The following MSI2 variants were observed in gnomAD, a reference collection of about 807,000 sequenced individuals.
The protein encoded by MSI2 is RNA-binding protein Musashi homolog 2.
Under a neutral mutation model 45.6 loss-of-function variants are expected in MSI2, and 17 were observed. The ratio of observed to expected loss-of-function variants is 0.37; its 90% confidence interval spans 0.26 to 0.56. The LOEUF (loss-of-function observed/expected upper bound fraction) is 0.56, where lower values mean the gene tolerates loss of function less well. MSI2 is among the 20% of genes least tolerant of loss of function. MSI2 has a pLI of 0.77. For missense variants in MSI2, 293 were observed against 444.2 expected, an observed-to-expected ratio of 0.66 and a Z score of 3.06; for synonymous variants, 156 against 158.2, an observed-to-expected ratio of 0.99 and a Z score of 0.11.
intron 10 of MSI2, among the ~76,000 whole-genome samples, chr17:57,639,232 G>A (rs546495401): frequency 3.3e-5 from 5 of 152,268 alleles, no homozygotes; most frequent in Admixed American, 1.3e-4. Flanking sequence ...GGCAACATCC[G>A]AGCCGAGTTT....
Position 57,529,531 on chromosome 17 carries a change from C to CT in MSI2, c.406-139dup, listed in dbSNP as rs1391217656. ...AGACCACTGTTTTTTTTTCTTTCTA[C>CT]TTTTTTGCATTTTCAAATATTTTTT... On this transcript the variant is annotated intron_variant, in intron 6 of 13. Transcript: ENST00000284073. This position sits in a 1 kb window ranked among gnomAD's most constrained non-coding sequence, Gnocchi z 5.3. The CT allele has an allele frequency of 8.3e-4, 582 of 698,576 alleles. 2 individuals are homozygous for CT. In the East Asian group the frequency reaches 0.01, roughly 12 times the overall value. 43.3% of individuals were successfully genotyped at this position (698,576 alleles called of 1,614,324 possible).
chr17:57,498,245 A>G (rs969992561), intron 6 of MSI2, among the ~76,000 whole-genome samples: 1 of 152,240 alleles, frequency 6.6e-6, no homozygotes, highest in African/African-American at 2.4e-5. Flanking sequence ...TCAAAGGGGA[A>G]AAAAATCTCA....
At chr17:57,493,596 G>A (rs933534) in intron 6 of MSI2, among the ~76,000 whole-genome samples, 135,504 of 149,638 alleles carry the variant, frequency 0.91, 61,449 homozygotes, top group African/African-American at 0.96. Flanking sequence ...TTGCCCTCTG[G>A]GTCCCTCCAA....
intron 11 of MSI2, among the ~76,000 whole-genome samples, chr17:57,673,752 A>T (rs1194280430): frequency 6.6e-6 from 1 of 151,960 alleles, no homozygotes; most frequent in African/African-American, 2.4e-5. Context: ...CTGCCCCCCG[A>T]TCTGCAACCC....
At chr17:57,460,095 C>T (rs2085195207) in intron 6 of MSI2, among the ~76,000 whole-genome samples, 1 of 151,308 alleles carries the variant, frequency 6.6e-6, no homozygotes, top group South Asian at 2.1e-4. Flanking sequence ...TGCCACTGCA[C>T]TCCAGCCTGG....
At position 57,644,440 on chromosome 17, in the gene MSI2, T is replaced by A. The variant is rs554284774; in HGVS notation, c.728-7659T>A. ...GCCACTGTCTTTCTCTGCACAGAAG[T>A]CAGGGCTGTGGATTTCCTTGAAAAG... On this transcript the variant is annotated intron_variant, in intron 10 of 13. Coordinates refer to ENST00000284073, the MANE Select transcript of MSI2 (RefSeq NM_138962.4). Among the ~76,000 whole-genome samples the A allele has an allele frequency of 4.6e-5, 7 of 152,188 alleles. No homozygotes were observed. The East Asian group carries it at 1.4e-3, about 30-fold the overall frequency.
chr17:57,535,874 G>A (rs1454875062), intron 7 of MSI2, among the ~76,000 whole-genome samples: 4 of 152,184 alleles, frequency 2.6e-5, no homozygotes, highest in Admixed American at 1.3e-4. Flanking sequence ...TTGCGTAATC[G>A]GTTTATTTAT....
In MSI2 at chr17:57,486,581, A is replaced by G. The variant is rs115111571; in HGVS notation, c.406-43095A>G. 4.2e-3 allele frequency among the ~76,000 whole-genome samples: 634 copies of G among 152,288 alleles called. 10 individuals are homozygous for G. Among genetic ancestry groups the G allele is most frequent in the African/African-American group, 0.014 (583 of 41,556 alleles). On this transcript the variant is annotated intron_variant, in intron 6 of 13. Coordinates refer to ENST00000284073, the MANE Select transcript of MSI2 (RefSeq NM_138962.4). Reference sequence around the variant, plus strand: ...TTATATTACCCACTTTGTCAAACTCATCTTCCTTGTATGTGTTTGGAAAGC... The same window carrying G: ...TTATATTACCCACTTTGTCAAACTCGTCTTCCTTGTATGTGTTTGGAAAGC...
chr17:57,653,026 C>T (rs559872185), intron 11 of MSI2, among the ~76,000 whole-genome samples: 25 of 152,180 alleles, frequency 1.6e-4, no homozygotes, highest in African/African-American at 5.5e-4. Flanking sequence ...TGTCCCCCCA[C>T]GCCCCACGGA....
intron 5 of MSI2, among the ~76,000 whole-genome samples, chr17:57,305,458 G>A (rs1353249523): frequency 6.6e-6 from 1 of 152,156 alleles, no homozygotes; most frequent in East Asian, 1.9e-4. Context: ...TAATCTTCTG[G>A]GAAAAAGAAT....
At chr17:57,519,490 C>T (rs1357030764) in intron 6 of MSI2, among the ~76,000 whole-genome samples, 1 of 152,284 alleles carries the variant, frequency 6.6e-6, no homozygotes, top group Middle Eastern at 3.4e-3. Context: ...GCAGTTCCAG[C>T]TCTGCTAGAG....
chr17:57,381,842 G>A (rs1237951371), intron 5 of MSI2, among the ~76,000 whole-genome samples: 1 of 152,204 alleles, frequency 6.6e-6, no homozygotes, highest in African/African-American at 2.4e-5. Flanking sequence ...AAATCACTTA[G>A]GTGTAGAGTC....
At chr17:57,574,876 G>A (rs935858273) in intron 7 of MSI2, among the ~76,000 whole-genome samples, 9 of 147,840 alleles carry the variant, frequency 6.1e-5, no homozygotes, top group Admixed American at 6.8e-5. Context: ...TGTCGCCCAG[G>A]CTGGAGTGCA....
the MSI2 span, among the ~76,000 whole-genome samples, chr17:57,700,625 G>A: frequency 7.9e-5 from 12 of 152,260 alleles, no homozygotes; most frequent in South Asian, 1.2e-3. Context: ...AGCCTGGGCC[G>A]GGCGCGGTTG....
chr17:57,419,349 C>A (rs184750961), intron 6 of MSI2, among the ~76,000 whole-genome samples: 1 of 142,334 alleles, frequency 7.0e-6, no homozygotes, highest in East Asian at 2.1e-4. Context: ...TGGGCTTTAA[C>A]GCAATTATTA....
At chr17:57,420,564 C>T (rs979803760) in intron 6 of MSI2, among the ~76,000 whole-genome samples, 1 of 152,232 alleles carries the variant, frequency 6.6e-6, no homozygotes, top group Non-Finnish European at 1.5e-5. Context: ...GAGCTCCGTA[C>T]TTTCCCAGCC....
rs534047554 is a variant in MSI2 at position 57,660,648 on chromosome 17, T to A, written c.790+8487T>A. On this transcript the variant is annotated intron_variant, in intron 11 of 13. Transcript: ENST00000284073. The stretch of plus-strand genomic sequence containing the variant: ...TAGCACAGAGGAGGAAGTGATCAGC[T>A]TTGTCTGGGAAGTCAGGGAATGTTT... Among the ~76,000 whole-genome samples the A allele has an allele frequency of 4.6e-5, 7 of 152,318 alleles. No homozygotes were observed. The South Asian group carries it at 8.3e-4, about 18-fold the overall frequency.
At position 57,285,870 on chromosome 17, in the gene MSI2, G is replaced by A. The variant is rs75324324; in HGVS notation, c.312+23678G>A. ...TTCTGTTGTGTAGTTCTGATTTTCC[G>A]AACAGGTGTTTAGATGATGAGGGGT... is the stretch of plus-strand genomic sequence containing the variant. On this transcript the variant is annotated intron_variant, in intron 5 of 13. Coordinates refer to ENST00000284073, the MANE Select transcript of MSI2 (RefSeq NM_138962.4). 11 of 1,518,296 alleles carry A rather than the reference G, an allele frequency of 7.2e-6. 1 individual carries two copies. Among genetic ancestry groups the A allele is most frequent in the African/African-American group, 4.1e-5 (3 of 72,434 alleles). 94.1% of individuals were successfully genotyped at this position (1,518,296 alleles called of 1,614,324 possible).
chr17:57,458,512 T>C (rs910732091), intron 6 of MSI2, among the ~76,000 whole-genome samples: 16 of 152,238 alleles, frequency 1.1e-4, no homozygotes, highest in African/African-American at 3.9e-4. Flanking sequence ...TCTGGGTCAC[T>C]GTGCAATTTC....
Sources: allele counts gnomAD v4.1 joint callset (sites outside exome capture counted in the v4.1 genomes callset), GRCh38; gene constraint gnomAD v4.1.1; non-coding constraint Gnocchi (gnomAD v3.1); transcripts MANE v1.5; gene names NCBI Gene and HGNC (gene_info 2026-07-23, HGNC 2026-07-21).